The following CES5A variants were observed in gnomAD, a reference collection of about 807,000 sequenced individuals.
CES5A encodes carboxylesterase 5A.
Under a neutral mutation model 62.9 loss-of-function variants are expected in CES5A, and 67 were observed. The observed-to-expected ratio is 1.07, with a 90% confidence interval of 0.88 to 1.31. The LOEUF is 1.31. Among genes scored for constraint, CES5A ranks in the 50% most tolerant of loss-of-function variants. The pLI is 0.00. For synonymous variants in CES5A, 296 were observed against 280.8 expected, an observed-to-expected ratio of 1.05 and a Z score of -0.54; for missense variants, 748 against 708.5, an observed-to-expected ratio of 1.06 and a Z score of -0.63.
At chr16:55,918,375 T>C (rs780148409) in intron 1 of CES5A, among the ~76,000 whole-genome samples, 1 of 152,180 alleles carries the variant, frequency 6.6e-6, no homozygotes, top group Non-Finnish European at 1.5e-5. Flanking sequence ...CGTCATTCCA[T>C]AATAATCATA....
intron 1 of CES5A, among the ~76,000 whole-genome samples, chr16:55,951,591 A>G (rs2034558002): frequency 6.6e-6 from 1 of 152,230 alleles, no homozygotes; most frequent in Non-Finnish European, 1.5e-5. Context: ...GGTTAAAAAT[A>G]GAATACTGGA....
intron 2 of CES5A, among the ~76,000 whole-genome samples, chr16:55,872,390 C>A (rs1178892549): frequency 1.3e-5 from 2 of 152,236 alleles, no homozygotes; most frequent in Non-Finnish European, 1.5e-5. Context: ...TTCTACCATA[C>A]CTCTTCTTCG....
chr16:55,909,675 T>C (rs2034073948), intron 1 of CES5A, among the ~76,000 whole-genome samples: 1 of 152,148 alleles, frequency 6.6e-6, no homozygotes, highest in Non-Finnish European at 1.5e-5. Context: ...GGCCAGTGGC[T>C]AAAGTGAATG....
At chr16:55,951,985 G>A (rs1009455734) in intron 1 of CES5A, among the ~76,000 whole-genome samples, 3 of 152,022 alleles carry the variant, frequency 2.0e-5, no homozygotes, top group African/African-American at 7.2e-5. Flanking sequence ...AAGAAGAGGA[G>A]ACTTCATTAT....
intron 1 of CES5A, chr16:55,925,259 A>C (rs1030477836): frequency 2.6e-5 from 4 of 152,052 alleles, no homozygotes; most frequent in African/African-American, 9.7e-5. Flanking sequence ...TATGAAAAAC[A>C]ATGTTCAACA....
intron 2 of CES5A, among the ~76,000 whole-genome samples, chr16:55,942,044 C>T (rs1414912215): frequency 6.6e-6 from 1 of 152,136 alleles, no homozygotes; most frequent in African/African-American, 2.4e-5. Context: ...GAATGAACTT[C>T]AACTCTATCT....
intron 1 of CES5A, among the ~76,000 whole-genome samples, chr16:55,904,318 A>C (rs1335516095): frequency 6.6e-6 from 1 of 152,220 alleles, no homozygotes; most frequent in East Asian, 1.9e-4. Context: ...TTCTCTGTGA[A>C]TCTCTTTCTA....
intron 5 of CES5A, among the ~76,000 whole-genome samples, chr16:55,865,546 G>T (rs1386835930): frequency 6.6e-6 from 1 of 152,082 alleles, no homozygotes; most frequent in Non-Finnish European, 1.5e-5. Flanking sequence ...CAAACATAAG[G>T]CCCTGTATCA....
intron 1 of CES5A, among the ~76,000 whole-genome samples, chr16:55,917,582 T>C (rs1036713649): frequency 2.0e-5 from 3 of 152,216 alleles, no homozygotes; most frequent in Admixed American, 1.3e-4. Flanking sequence ...CCTTGCCATG[T>C]AGGCATCTCA....
chr16:55,872,859 A>G (rs1002899574), intron 2 of CES5A, among the ~76,000 whole-genome samples: 1 of 151,974 alleles, frequency 6.6e-6, no homozygotes, highest in Non-Finnish European at 1.5e-5. Flanking sequence ...TCCTGCCACC[A>G]TCACCCCTCT....
rs545978726 is a variant in CES5A, at chr16:55,886,047, C to A, written c.-255-12010G>T. Among the ~76,000 whole-genome samples the A allele has an allele frequency of 3.9e-5, 6 of 152,338 alleles. No homozygotes were observed. The South Asian group carries it at 8.3e-4, about 21-fold the overall frequency. Reference sequence around the variant, plus strand: ...CGTCCACTGCCTCATGGCAGGTTCCCCACGGCTAGCTGGTGGAAGAGGCAA... The same window carrying A: ...CGTCCACTGCCTCATGGCAGGTTCCACACGGCTAGCTGGTGGAAGAGGCAA... On this transcript the variant is annotated intron_variant, in intron 1 of 12. Coordinates refer to the CES5A transcript ENST00000518005.
rs1376898457 is a variant in CES5A at position 55,871,665 on chromosome 16, ATG to A, written c.375_376del (p.Ile126LeufsTer32). ...TGTATCGGCGTGGGCAGGCGCATAG[ATG>A]TTCAGGTAGAGGCAGTCTTCTGACA... On this transcript the variant is annotated frameshift_variant, in exon 3 of 13. Coordinates refer to ENST00000290567, the MANE Select transcript of CES5A (RefSeq NM_001143685.2). LOFTEE classifies it high-confidence loss of function. 1 of 1,614,152 alleles carries A rather than the reference ATG, an allele frequency of 6.2e-7. No homozygotes were observed. The highest frequency in any genetic ancestry group is 2.2e-5 in the East Asian group (1 of 44,866).
At chr16:55,877,406 ATATG>A (rs1300983436), upstream of CES5A, among the ~76,000 whole-genome samples, 1 of 151,016 alleles carries the variant, frequency 6.6e-6, no homozygotes, top group African/African-American at 2.5e-5. Flanking sequence ...ACATGTATAC[ATATG>A]TGTGTGTGTG....
chr16:55,949,844 G>A, exon 2 of CES5A: 1 of 1,526,848 alleles, frequency 6.5e-7, no homozygotes, highest in Non-Finnish European at 8.8e-7. Context: ...AGTTGAGGAG[G>A]CTGGATAAAA....
upstream of CES5A, among the ~76,000 whole-genome samples, chr16:55,876,800 C>T (rs1477366903): frequency 6.6e-6 from 1 of 152,170 alleles, no homozygotes; most frequent in African/African-American, 2.4e-5. Flanking sequence ...TGAAATTGAT[C>T]CAGACATCAC....
chr16:55,923,253 G>T (rs2034226337), intron 1 of CES5A, among the ~76,000 whole-genome samples: 1 of 151,046 alleles, frequency 6.6e-6, no homozygotes, highest in Admixed American at 6.6e-5. Context: ...TTTTTAAGAA[G>T]ATAAAATAAC....
intron 1 of CES5A, among the ~76,000 whole-genome samples, chr16:55,913,754 C>T (rs1273437205): frequency 6.6e-6 from 1 of 152,234 alleles, no homozygotes; most frequent in Non-Finnish European, 1.5e-5. Flanking sequence ...TCATCTGCAG[C>T]CTTCCCTGGT....
upstream of CES5A, among the ~76,000 whole-genome samples, chr16:55,878,420 C>A (rs1371206567): frequency 6.6e-6 from 1 of 151,968 alleles, no homozygotes; most frequent in African/African-American, 2.4e-5. Flanking sequence ...AGCTGGGAAG[C>A]CTTAGAGCTT....
intron 6 of CES5A, among the ~76,000 whole-genome samples, chr16:55,862,030 CTT>C (rs1347259086): frequency 6.6e-6 from 1 of 152,200 alleles, no homozygotes; most frequent in African/African-American, 2.4e-5. Flanking sequence ...TCCTACCTGT[CTT>C]TTTCCCTGCC....
Sources: gnomAD v4.1 joint callset for allele counts (sites outside exome capture counted in the v4.1 genomes callset) on GRCh38, gnomAD v4.1.1 for gene constraint, MANE v1.5 for transcripts, NCBI Gene and HGNC (gene_info 2026-07-23, HGNC 2026-07-21) for gene names.